PGM3: variants seen among roughly 807,000 people sequenced by gnomAD.
PGM3 encodes the protein phosphoglucomutase 3.
A neutral mutation model predicts 66.2 loss-of-function variants in PGM3; 40 were observed. That is an observed-to-expected ratio of 0.60 (90% confidence interval 0.47 to 0.79). The LOEUF is 0.79. Ranked by LOEUF, PGM3 falls within the 30% of genes least tolerant of loss-of-function variation. The pLI is 0.00. For missense variants in PGM3, 537 were observed against 643.4 expected (o/e 0.83, Z 1.79); for synonymous variants, 191 against 224.2 (o/e 0.85, Z 1.32).
Position 83,188,878 on chromosome 6 carries a change from C to T in PGM3, c.205-80G>A, listed in dbSNP as rs911556825. 6 of 1,194,818 alleles carry T rather than the reference C, an allele frequency of 5.0e-6. No individual in the cohort carries two copies. The East Asian group carries it at 7.2e-5, about 14-fold the overall frequency. 74.0% of individuals were successfully genotyped at this position (1,194,818 alleles called of 1,614,324 possible). On this transcript the variant is annotated intron_variant, in intron 2 of 12. Coordinates refer to ENST00000513973, the MANE Select transcript of PGM3 (RefSeq NM_015599.3). ...AGAACAGAACTCAAAAGCTGTTTCC[C>T]TTCAACCAAAGACAGTGATGGCTGA...
At chr6:83,188,367 G>A (rs148416249) in intron 3 of PGM3, 3 of 342,816 alleles carry the variant, frequency 8.8e-6, no homozygotes, top group African/African-American at 6.1e-5. Context: ...GTGTCAGGAA[G>A]TATTTTACAT....
chr6:83,157,240 C>G (rs1782995372), downstream of PGM3: 2 of 1,613,816 alleles, frequency 1.2e-6, no homozygotes, highest in Admixed American at 1.7e-5. Context: ...CTCAAGTGTT[C>G]CTGTTTTTCA....
At chr6:83,179,776 T>C (rs761829965) in intron 7 of PGM3, 34 bp downstream of exon 7, 2 of 1,542,082 alleles carry the variant, frequency 1.3e-6, no homozygotes, top group Non-Finnish European at 1.8e-6. Flanking sequence ...CTACTAAGTC[T>C]TGTTTTAGAG....
At chr6:83,163,052 G>C, downstream of PGM3, 1 of 951,492 alleles carries the variant, frequency 1.1e-6, no homozygotes. Flanking sequence ...CCCCAGTTTT[G>C]AGAGTTAATG....
At chr6:83,158,260 C>A (rs1016363381), downstream of PGM3, among the ~76,000 whole-genome samples, 1 of 152,114 alleles carries the variant, frequency 6.6e-6, no homozygotes, top group South Asian at 2.1e-4. Context: ...CTCGACCTCC[C>A]AAAGTGCTGG....
chr6:83,155,919 A>AGT, the PGM3 span: 1 of 1,592,652 alleles, frequency 6.3e-7, no homozygotes, highest in Non-Finnish European at 8.5e-7. Flanking sequence ...TTCAGATGAC[A>AGT]GTGTCACAGT....
chr6:83,191,266 C>T, intron 1 of PGM3: 2 of 1,534,360 alleles, frequency 1.3e-6, no homozygotes, highest in Non-Finnish European at 1.7e-6. Context: ...ACTCTCCTCC[C>T]ATTTTAGCTC....
Position 83,186,791 on chromosome 6 carries a change from TCTC to T in PGM3, c.457+214_457+216del, listed in dbSNP as rs34639421. On this transcript the variant is annotated intron_variant, in intron 4 of 12. Transcript: ENST00000513973. ...TTAGTTCAGAATTTCCCAGCTATAA[TCTC>T]CTATAGTACTACCATAGGTAAGACA... 0.22 allele frequency among the ~76,000 whole-genome samples: 33,954 copies of T among 151,976 alleles called. 3,854 individuals are homozygous for T. The highest frequency in any genetic ancestry group is 0.24 in the Non-Finnish European group (16,163 of 67,962).
chr6:83,183,205 A>G (rs1418129139), intron 4 of PGM3, among the ~76,000 whole-genome samples: 1 of 152,222 alleles, frequency 6.6e-6, no homozygotes, highest in East Asian at 1.9e-4. Context: ...AGCAATACAG[A>G]CAAGTAATAA....
chr6:83,162,346 T>G (rs573243523), downstream of PGM3, among the ~76,000 whole-genome samples: 1 of 152,300 alleles, frequency 6.6e-6, no homozygotes, highest in East Asian at 1.9e-4. Context: ...AATTTTTTAC[T>G]CCTTTACTAT....
chr6:83,151,571 G>C, the PGM3 span: 1 of 1,576,640 alleles, frequency 6.3e-7, no homozygotes, highest in Non-Finnish European at 8.6e-7. Flanking sequence ...TCCCGTTTCT[G>C]TTTTCTCTTT....
chr6:83,162,720 A>G (rs931749683), downstream of PGM3: 3 of 1,505,436 alleles, frequency 2.0e-6, no homozygotes, highest in South Asian at 2.8e-5. Context: ...TTTCTACTAC[A>G]TTATGTGGCC....
chr6:83,155,819 A>G, the PGM3 span: 1 of 998,502 alleles, frequency 1.0e-6, no homozygotes, highest in Non-Finnish European at 1.4e-6. Context: ...TGCCCCAGAG[A>G]GGGGCATCAA....
intron 7 of PGM3, among the ~76,000 whole-genome samples, chr6:83,179,499 G>A (rs1180506659): frequency 1.3e-5 from 2 of 151,936 alleles, no homozygotes; most frequent in Non-Finnish European, 1.5e-5. Flanking sequence ...TTTCCTATTA[G>A]AATTTAGGGC....
rs35905342 is a variant in PGM3 at position 83,188,581 on chromosome 6, G to GT, written c.389+32dup. On this transcript the variant is annotated intron_variant, in intron 3 of 12. Transcript: ENST00000513973. The stretch of plus-strand genomic sequence containing the variant: ...AATCGTTTATATCACGTTCCCAAAG[G>GT]TTTTTTTTTTTACCAGTAACTCTTA... 0.026 allele frequency: 32,620 copies of GT among 1,232,364 alleles called. 2 individuals are homozygous for GT. The highest frequency in any genetic ancestry group is 0.041 in the South Asian group (2,706 of 66,692). The allele number at this position is 1,232,364 out of a possible 1,614,324, so 76.3% of individuals were successfully genotyped here. A position where few individuals can be genotyped will look rare whatever the true frequency, so the allele number is the denominator to read the frequency against.
In PGM3 at chr6:83,168,256, T is replaced by C. The variant is rs1583234803; in HGVS notation, c.*978A>G. 2 of 1,468,428 alleles carry C rather than the reference T, an allele frequency of 1.4e-6. No individual in the cohort carries two copies. Among genetic ancestry groups the C allele is most frequent in the Non-Finnish European group, 1.8e-6 (2 of 1,117,458 alleles). The allele number at this position is 1,468,428 out of a possible 1,614,324, so 91.0% of individuals were successfully genotyped here. ...CTGCGTTGTATAGTTTTTCCTTTTT[T>C]GTATGTAACAGAACACATTTCAGAT... On this transcript the variant is annotated 3_prime_UTR_variant, in exon 13 of 13. Transcript: ENST00000513973.
At chr6:83,154,155 A>G in the PGM3 span, 2 of 1,612,972 alleles carry the variant, frequency 1.2e-6, no homozygotes, top group East Asian at 2.2e-5. Context: ...ACATAATTAC[A>G]TGTTGTAATC....
the PGM3 span, chr6:83,153,252 C>CT: frequency 2.7e-4 from 67 of 246,902 alleles, no homozygotes; most frequent in African/African-American, 1.4e-3. Context: ...ACAGAAGGTT[C>CT]TTGAACTCTT....
chr6:83,172,493 T>A (rs142940233), intron 10 of PGM3, among the ~76,000 whole-genome samples: 21 of 152,250 alleles, frequency 1.4e-4, no homozygotes, highest in African/African-American at 5.1e-4. Context: ...ACGCCATCTA[T>A]ACTAAAAATA....
Sources: allele counts gnomAD v4.1 joint callset (sites outside exome capture counted in the v4.1 genomes callset), GRCh38; gene constraint gnomAD v4.1.1; transcripts MANE v1.5; gene names NCBI Gene and HGNC (gene_info 2026-07-23, HGNC 2026-07-21).